The following PRKN variants were observed in gnomAD, a reference collection of about 807,000 sequenced individuals.
PRKN encodes the protein E3 ubiquitin-protein ligase parkin.
A neutral mutation model predicts 59.5 loss-of-function variants in PRKN; 56 were observed. That is an observed-to-expected ratio of 0.94 (90% CI 0.76 to 1.18). The LOEUF (loss-of-function observed/expected upper bound fraction) is 1.18, where lower values mean the gene tolerates loss of function less well. Among genes scored for constraint, PRKN ranks in the 50% most tolerant of loss-of-function variants. The probability of loss-of-function intolerance (pLI) is 0.00; values close to 1 mark genes in which losing one functional copy is unlikely to be tolerated. For synonymous variants in PRKN, 250 were observed against 222.1 expected, an observed-to-expected ratio of 1.13 and a Z score of -1.12; for missense variants, 657 against 596.4, an observed-to-expected ratio of 1.10 and a Z score of -1.06.
At chr6:161,541,811 A>T (rs565049271) in intron 9 of PRKN, among the ~76,000 whole-genome samples, 1 of 151,658 alleles carries the variant, frequency 6.6e-6, no homozygotes, top group East Asian at 1.9e-4. Context: ...ACAGAGCGAG[A>T]CTCCGTCTCA....
chr6:161,490,045 T>G lies in PRKN; in HGVS notation c.1083+58809A>C, dbSNP rs142561086. 8.6e-3 allele frequency among the ~76,000 whole-genome samples: 1,306 copies of G among 152,336 alleles called. 23 individuals are homozygous for G. The highest frequency in any genetic ancestry group is 0.03 in the African/African-American group (1,244 of 41,586). On this transcript the variant is annotated intron_variant, in intron 9 of 11. Transcript: ENST00000366898. ...TCAAGCCCCATAAAGAAGGTAGCTG[T>G]TAGGATATTCCAACTTAATGTCTTA...
intron 10 of PRKN, among the ~76,000 whole-genome samples, chr6:161,367,051 C>T (rs1385752037): frequency 8.1e-6 from 1 of 123,872 alleles, no homozygotes; most frequent in African/African-American, 3.2e-5. Flanking sequence ...ACTGCAGTGG[C>T]GTGATCTCGG....
chr6:162,442,956 G>C (rs184262649), intron 2 of PRKN, among the ~76,000 whole-genome samples: 1 of 152,068 alleles, frequency 6.6e-6, no homozygotes, highest in Non-Finnish European at 1.5e-5. Flanking sequence ...CAATTTATTC[G>C]AATCCTTCTT....
At position 161,417,693 on chromosome 6, in the gene PRKN, CTT is replaced by C. The variant is rs1347951224; in HGVS notation, c.1084-30818_1084-30817del. ...AGGCAAGGAAACTCAGGTTAAATAA[CTT>C]TCACAACACATTGGAAATTTAGGCT... On this transcript the variant is annotated intron_variant, in intron 9 of 11. Transcript: ENST00000366898. This position sits in a 1 kb window ranked among gnomAD's most constrained non-coding sequence, Gnocchi z 5.4. Among the ~76,000 whole-genome samples, 1 of 152,180 alleles carries C rather than the reference CTT, an allele frequency of 6.6e-6. No homozygotes were observed.
chr6:161,732,761 C>T (rs912635394), intron 7 of PRKN, among the ~76,000 whole-genome samples: 1 of 152,124 alleles, frequency 6.6e-6, no homozygotes, highest in Non-Finnish European at 1.5e-5. Context: ...TTAAAGATGT[C>T]AGAGTTTTAT....
chr6:162,487,484 C>T (rs62428785), intron 1 of PRKN, among the ~76,000 whole-genome samples: 17,836 of 152,194 alleles, frequency 0.12, 1,461 homozygotes, highest in Non-Finnish European at 0.17. Context: ...CGCTCCCTGT[C>T]ATCACTTTTT....
At chr6:161,970,757 C>G (rs949912127) in intron 6 of PRKN, among the ~76,000 whole-genome samples, 2 of 152,022 alleles carry the variant, frequency 1.3e-5, no homozygotes, top group Non-Finnish European at 2.9e-5. Context: ...AGGCTGGTCT[C>G]GAACTTCTGA....
At chr6:161,557,469 T>C (rs2115450130) in intron 8 of PRKN, among the ~76,000 whole-genome samples, 1 of 152,278 alleles carries the variant, frequency 6.6e-6, no homozygotes, top group African/African-American at 2.4e-5. Context: ...GCCAGTGAAC[T>C]TCCCCTTTCT....
chr6:161,674,034 G>T (rs186141106), intron 7 of PRKN, among the ~76,000 whole-genome samples: 5 of 152,264 alleles, frequency 3.3e-5, no homozygotes, highest in African/African-American at 1.2e-4. Context: ...GGAATTATCA[G>T]CATATGGTGA....
At chr6:162,328,487 T>C (rs1018194715) in intron 2 of PRKN, among the ~76,000 whole-genome samples, 1 of 152,170 alleles carries the variant, frequency 6.6e-6, no homozygotes, top group Non-Finnish European at 1.5e-5. Context: ...GAACAACGAA[T>C]GTGTATTAGA....
chr6:162,597,307 A>G (rs1399971998), intron 1 of PRKN, among the ~76,000 whole-genome samples: 4 of 152,112 alleles, frequency 2.6e-5, no homozygotes, highest in Non-Finnish European at 4.4e-5. Flanking sequence ...CAAGTCGTCT[A>G]TTTTCCTATT....
chr6:161,852,427 C>T (rs905564673), intron 6 of PRKN, among the ~76,000 whole-genome samples: 10 of 152,082 alleles, frequency 6.6e-5, no homozygotes, highest in East Asian at 3.9e-4. Flanking sequence ...CACTCCAGCG[C>T]GGGTGACAAA....
intron 4 of PRKN, among the ~76,000 whole-genome samples, chr6:162,123,928 C>G (rs1441039984): frequency 6.6e-6 from 1 of 152,084 alleles, no homozygotes; most frequent in Non-Finnish European, 1.5e-5. Context: ...AGAGGAGGCA[C>G]TAGAGGGAGA....
intron 1 of PRKN, among the ~76,000 whole-genome samples, chr6:162,483,240 T>C (rs1364640033): frequency 6.6e-6 from 1 of 152,102 alleles, no homozygotes; most frequent in African/African-American, 2.4e-5. Flanking sequence ...CAAGATCTGA[T>C]GACATGTGCA....
chr6:162,182,135 C>T (rs1583163425), intron 4 of PRKN, among the ~76,000 whole-genome samples: 3 of 152,268 alleles, frequency 2.0e-5, no homozygotes, highest in Non-Finnish European at 1.5e-5. Flanking sequence ...AGTTTCTACC[C>T]TGGACAAAGA....
chr6:161,366,109 G>A (rs377247878), intron 10 of PRKN, among the ~76,000 whole-genome samples: 3 of 152,206 alleles, frequency 2.0e-5, no homozygotes, highest in Non-Finnish European at 4.4e-5. Context: ...TAGGTCATGA[G>A]GGTGGAGCTC....
chr6:161,553,399 C>T (rs1780114747), intron 8 of PRKN, among the ~76,000 whole-genome samples: 1 of 151,790 alleles, frequency 6.6e-6, no homozygotes, highest in South Asian at 2.1e-4. Flanking sequence ...CCTTCATTCT[C>T]ATCCCTTCCT....
At chr6:162,293,357 A>C (rs939591006) in intron 2 of PRKN, among the ~76,000 whole-genome samples, 2 of 152,240 alleles carry the variant, frequency 1.3e-5, no homozygotes, top group Non-Finnish European at 2.9e-5. Context: ...GATTAAAAGA[A>C]TGAGGGTTAA....
Position 161,498,344 on chromosome 6 carries a change from T to G in PRKN, c.1083+50510A>C, listed in dbSNP as rs376800463. On this transcript the variant is annotated intron_variant, in intron 9 of 11. Coordinates refer to ENST00000366898, the MANE Select transcript of PRKN (RefSeq NM_004562.3). This position sits in a 1 kb window ranked among gnomAD's most constrained non-coding sequence, Gnocchi z 4.2. ...GTTACTCCTCTCCTCAACGATCCCATTATAATTCCTATTCCTCAGTAAATA... is the reference window on the plus strand; with the variant it reads ...GTTACTCCTCTCCTCAACGATCCCAGTATAATTCCTATTCCTCAGTAAATA... Among the ~76,000 whole-genome samples, 1 of 152,156 alleles carries G rather than the reference T, an allele frequency of 6.6e-6. No homozygotes were observed. The highest frequency in any genetic ancestry group is 2.1e-4 in the South Asian group (1 of 4,834).
Sources: gnomAD v4.1 joint callset for allele counts (sites outside exome capture counted in the v4.1 genomes callset) on GRCh38, gnomAD v4.1.1 for gene constraint, Gnocchi (gnomAD v3.1) non-coding constraint, MANE v1.5 for transcripts, NCBI Gene and HGNC (gene_info 2026-07-23, HGNC 2026-07-21) for gene names.